The following MCTP1 variants were observed in gnomAD, a reference collection of about 807,000 sequenced individuals.
MCTP1 encodes the protein multiple C2 and transmembrane domain containing 1, also known as multiple C2 and transmembrane domain-containing protein 1.
MCTP1 carries 69 observed loss-of-function variants against 120.6 expected under a neutral mutation model. That is an observed-to-expected ratio of 0.57 (90% CI 0.47 to 0.70). The LOEUF is 0.70. Among genes scored for constraint, MCTP1 ranks in the 30% least tolerant of loss-of-function variants. MCTP1 has a pLI of 0.00. For synonymous variants in MCTP1, 529 were observed against 493.1 expected (o/e 1.07, Z -0.96); for missense variants, 1,203 against 1,248.8 (o/e 0.96, Z 0.55).
chr5:95,230,844 T>A (rs1754856461), intron 1 of MCTP1, among the ~76,000 whole-genome samples: 1 of 152,206 alleles, frequency 6.6e-6, no homozygotes, highest in Non-Finnish European at 1.5e-5. Context: ...ACCTTTTTTT[T>A]AAACTGAAAT....
intron 17 of MCTP1, among the ~76,000 whole-genome samples, chr5:94,833,857 G>A (rs1454587702): frequency 6.6e-6 from 1 of 151,994 alleles, no homozygotes; most frequent in African/African-American, 2.4e-5. Context: ...AATAACTTAA[G>A]AAAGTGAGAA....
chr5:94,758,998 T>A (rs927523615), intron 19 of MCTP1, among the ~76,000 whole-genome samples: 1 of 152,216 alleles, frequency 6.6e-6, no homozygotes, highest in African/African-American at 2.4e-5. Context: ...AAACCTATGC[T>A]TGATACTTTC....
rs1057144437 is a variant in MCTP1, at chr5:94,705,005, A to ATAGTT, written c.*2486_*2490dup. On this transcript the variant is annotated 3_prime_UTR_variant, in exon 23 of 23. Transcript: ENST00000515393. Reference sequence around the variant, plus strand: ...TGAATTATCACAACGAATGTCAGTAATAGTTTATGAATATAAATAATGACT... The same window carrying ATAGTT: ...TGAATTATCACAACGAATGTCAGTAATAGTTTAGTTTATGAATATAAATAATGACT... The ATAGTT allele has an allele frequency of 5.3e-5, 8 of 151,392 alleles. No homozygotes were observed. The highest frequency in any genetic ancestry group is 1.7e-4 in the African/African-American group (7 of 41,334). 9.4% of individuals were successfully genotyped at this position (151,392 alleles called of 1,614,324 possible). A position where few individuals can be genotyped will look rare whatever the true frequency, so the allele number is the denominator to read the frequency against.
At chr5:94,930,414 C>G (rs564918534) in intron 6 of MCTP1, among the ~76,000 whole-genome samples, 12 of 151,602 alleles carry the variant, frequency 7.9e-5, no homozygotes, top group Non-Finnish European at 1.2e-4. Flanking sequence ...GCTGGGATTA[C>G]AGGCATGTGC....
intron 2 of MCTP1, chr5:94,980,798 A>C (rs978055492): frequency 4.6e-5 from 7 of 152,072 alleles, no homozygotes; most frequent in Non-Finnish European, 8.8e-5. Flanking sequence ...TGAGCAACTA[A>C]AAGTTTTTTT....
chr5:94,946,977 G>C (rs1181363495), intron 3 of MCTP1, among the ~76,000 whole-genome samples: 1 of 152,134 alleles, frequency 6.6e-6, no homozygotes, highest in Non-Finnish European at 1.5e-5. Context: ...TAGGAAACTT[G>C]TACCTGGGCT....
intron 6 of MCTP1, among the ~76,000 whole-genome samples, chr5:94,929,158 C>T (rs1375596064): frequency 2.6e-5 from 4 of 152,146 alleles, no homozygotes; most frequent in Non-Finnish European, 4.4e-5. Context: ...GTCGATTTAG[C>T]CTTTCTTCCT....
chr5:94,868,399 A>C lies in MCTP1; in HGVS notation c.2370T>G (p.Asn790Lys). The C allele has an allele frequency of 6.2e-7, 1 of 1,609,192 alleles. No individual in the cohort carries two copies. Among genetic ancestry groups the C allele is most frequent in the Non-Finnish European group, 8.5e-7 (1 of 1,177,582 alleles). The change falls in exon 17 of 23, where the codon AAT becomes AAG. Residue 790 changes from asparagine to lysine, a missense_variant. By Grantham distance (94) the Asn-to-Lys change is moderately conservative. Transcript: ENST00000515393. ...RMKRCVMVLV[N>K]AAYYVNSCFD... ...AGCAACTATTAACGTAGTATGCAGC[A>C]TTTACCAGCACCATGACACAACGTT... is the stretch of plus-strand genomic sequence containing the variant.
At chr5:94,714,559 C>T (rs1758385974) in intron 20 of MCTP1, among the ~76,000 whole-genome samples, 1 of 151,984 alleles carries the variant, frequency 6.6e-6, no homozygotes, top group Non-Finnish European at 1.5e-5. Flanking sequence ...AGTATGACTT[C>T]TTTCCAACCA....
chr5:95,202,156 G>T (rs1400156230), intron 1 of MCTP1, among the ~76,000 whole-genome samples: 1 of 152,106 alleles, frequency 6.6e-6, no homozygotes, highest in Non-Finnish European at 1.5e-5. Context: ...TCGGGGCTCA[G>T]GTAGAACAAA....
rs201086050 is a variant in MCTP1, at chr5:94,787,611, TG to T, written c.2557-8449del. 6.0e-3 allele frequency among the ~76,000 whole-genome samples: 892 copies of T among 148,340 alleles called. 10 individuals are homozygous for T. Among genetic ancestry groups the T allele is most frequent in the African/African-American group, 0.022 (846 of 38,534 alleles). On this transcript the variant is annotated intron_variant, in intron 18 of 22. Transcript: ENST00000515393. ...CAGGTGTCATCTATTAAGCACTTAC[TG>T]TTTTTTTTTGTTTTTTTTTTTTGAG...
In MCTP1 at chr5:94,773,236, G is replaced by C. The variant is rs545330551; in HGVS notation, c.2610+5874C>G. 3.5e-4 allele frequency among the ~76,000 whole-genome samples: 53 copies of C among 152,216 alleles called. No homozygotes were observed. In the South Asian group the frequency reaches 0.011, roughly 30 times the overall value. On this transcript the variant is annotated intron_variant, in intron 19 of 22. Transcript: ENST00000515393. The stretch of plus-strand genomic sequence containing the variant: ...ATCAGAATAGATAATAAGCAAATGG[G>C]ACATATTATACTGTGACTGTAAAAT...
chr5:94,835,578 A>G (rs1789546158), intron 17 of MCTP1, among the ~76,000 whole-genome samples: 1 of 152,192 alleles, frequency 6.6e-6, no homozygotes, highest in African/African-American at 2.4e-5. Context: ...ATAGTGGCTG[A>G]TTCATAATAC....
chr5:94,843,142 G>A (rs979369914), intron 17 of MCTP1, among the ~76,000 whole-genome samples: 2 of 150,556 alleles, frequency 1.3e-5, no homozygotes, highest in African/African-American at 2.5e-5. Context: ...AAAATTCATC[G>A]ACATTGACAA....
chr5:94,854,439 C>CTAT lies in MCTP1; in HGVS notation c.2436+13891_2436+13893dup, dbSNP rs140859103. 2.5e-3 allele frequency among the ~76,000 whole-genome samples: 387 copies of CTAT among 151,864 alleles called. 4 individuals are homozygous for CTAT. Among genetic ancestry groups the CTAT allele is most frequent in the Admixed American group, 0.02 (304 of 15,198 alleles). On this transcript the variant is annotated intron_variant, in intron 17 of 22. Coordinates refer to ENST00000515393, the MANE Select transcript of MCTP1 (RefSeq NM_024717.7). ...ATGGCAACTGCTGGCTAATGAAGAC[C>CTAT]TATTACAACCAAGTTTTTAATAGAA...
At chr5:94,957,475 T>C (rs73136065) in intron 2 of MCTP1, among the ~76,000 whole-genome samples, 2,300 of 151,934 alleles carry the variant, frequency 0.015, 62 homozygotes, top group African/African-American at 0.053. Flanking sequence ...GACTAGTAAA[T>C]TGGATAAAGA....
At chr5:94,791,504 C>CACACACACAT (rs1778962606) in intron 18 of MCTP1, among the ~76,000 whole-genome samples, 1 of 151,586 alleles carries the variant, frequency 6.6e-6, no homozygotes, top group African/African-American at 2.4e-5. Context: ...CTAAAATACA[C>CACACACACAT]ACACACACAC....
chr5:95,243,760 G>A (rs944292583), intron 1 of MCTP1, among the ~76,000 whole-genome samples: 3 of 152,100 alleles, frequency 2.0e-5, no homozygotes, highest in African/African-American at 7.2e-5. Context: ...AAGGTAAGAT[G>A]GGAAGAATTT....
chr5:94,954,762 TAA>T (rs1458540973), intron 2 of MCTP1, among the ~76,000 whole-genome samples: 1 of 152,184 alleles, frequency 6.6e-6, no homozygotes, highest in African/African-American at 2.4e-5. Flanking sequence ...AGATGCGTGT[TAA>T]AGTGGGCTTC....
Sources: allele counts gnomAD v4.1 joint callset (sites outside exome capture counted in the v4.1 genomes callset), GRCh38; gene constraint gnomAD v4.1.1; transcripts MANE v1.5; gene names NCBI Gene and HGNC (gene_info 2026-07-23, HGNC 2026-07-21).